PTBP2: variants seen among roughly 807,000 people sequenced by gnomAD.
PTBP2 encodes the protein polypyrimidine tract-binding protein 2.
A neutral mutation model predicts 61.4 loss-of-function variants in PTBP2; 13 were observed. That is an observed-to-expected ratio of 0.21 (90% CI 0.14 to 0.34). The LOEUF (loss-of-function observed/expected upper bound fraction) is 0.34. Among genes scored for constraint, PTBP2 ranks in the 10% least tolerant of loss-of-function variants. The pLI is 1.00. For synonymous variants in PTBP2, 215 were observed against 218.5 expected (o/e 0.98, Z 0.14); for missense variants, 405 against 642.6 (o/e 0.63, Z 4.00).
chr1:96,809,475 T>G (rs922006985), intron 11 of PTBP2, among the ~76,000 whole-genome samples: 1 of 152,144 alleles, frequency 6.6e-6, no homozygotes, highest in Non-Finnish European at 1.5e-5. Context: ...ATCCTGAGAT[T>G]TAAAAATAAG....
chr1:96,765,752 T>C (rs11165719), intron 3 of PTBP2, among the ~76,000 whole-genome samples: 1 of 117,884 alleles, frequency 8.5e-6, no homozygotes, highest in Non-Finnish European at 1.9e-5. Flanking sequence ...AGATAGATAC[T>C]GTGAAACCCA....
intron 3 of PTBP2, among the ~76,000 whole-genome samples, chr1:96,768,261 C>G (rs976944783): frequency 6.6e-6 from 1 of 151,978 alleles, no homozygotes; most frequent in Non-Finnish European, 1.5e-5. Context: ...TCTGTACCCT[C>G]AGAACGTAAA....
At position 96,759,382 on chromosome 1, in the gene PTBP2, G is replaced by T. The variant is rs551690456; in HGVS notation, c.115+7882G>T. On this transcript the variant is annotated intron_variant, in intron 3 of 13. Transcript: ENST00000674951. ...GTTAATCCAAAACAGTTTACTACTA[G>T]CATAGTTAGTGACACAGAATAGCGT... Among the ~76,000 whole-genome samples, 222 of 152,306 alleles carry T rather than the reference G, an allele frequency of 1.5e-3. 1 individual carries two copies. Among genetic ancestry groups the T allele is most frequent in the African/African-American group, 5.2e-3 (215 of 41,570 alleles).
intron 1 of PTBP2, 121 bp from the exon 2 acceptor site, chr1:96,723,443 A>T: frequency 1.4e-6 from 1 of 706,038 alleles, no homozygotes; most frequent in Non-Finnish European, 2.3e-6. Flanking sequence ...TTTTATCCCC[A>T]TCTGTGTGTG....
intron 3 of PTBP2, among the ~76,000 whole-genome samples, chr1:96,756,152 G>T (rs1185384794): frequency 6.6e-6 from 1 of 152,088 alleles, no homozygotes; most frequent in Non-Finnish European, 1.5e-5. Context: ...TAATCCCAGC[G>T]CTTTGGGAAG....
exon 14 of PTBP2, chr1:96,820,679 C>T (rs542975119): frequency 6.6e-6 from 1 of 152,110 alleles, no homozygotes; most frequent in Admixed American, 6.5e-5. Flanking sequence ...AAGCAAACTT[C>T]AGGTCTTTTT....
chr1:96,731,588 TC>T (rs1296055786), intron 2 of PTBP2, among the ~76,000 whole-genome samples: 1 of 152,156 alleles, frequency 6.6e-6, no homozygotes, highest in Non-Finnish European at 1.5e-5. Context: ...TTTTAATAGT[TC>T]CACAAACTAG....
rs762152365 is a variant in PTBP2 at position 96,726,074 on chromosome 1, C to CAAAAAAAA, written c.39+2510_39+2517dup. ...TGGGCGACAGAGACAGACTCTATCTCAAAAAAAAAAAAAAAAAAAAAAAAA... is the reference window on the plus strand; with the variant it reads ...TGGGCGACAGAGACAGACTCTATCTCAAAAAAAAAAAAAAAAAAAAAAAAAAAAAAAAA... On this transcript the variant is annotated intron_variant, in intron 2 of 13. Coordinates refer to ENST00000674951, the MANE Select transcript of PTBP2 (RefSeq NM_021190.4). 1.7e-3 allele frequency among the ~76,000 whole-genome samples: 90 copies of CAAAAAAAA among 54,214 alleles called. 7 individuals are homozygous for CAAAAAAAA. Among genetic ancestry groups the CAAAAAAAA allele is most frequent in the Non-Finnish European group, 1.9e-3 (60 of 31,188 alleles). 35.6% of individuals were successfully genotyped at this position (54,214 alleles called of 152,430 possible).
chr1:96,754,014 A>C lies in PTBP2; in HGVS notation c.115+2514A>C, dbSNP rs541855440. 7.2e-5 allele frequency among the ~76,000 whole-genome samples: 11 copies of C among 152,272 alleles called. No individual in the cohort carries two copies. In the South Asian group the frequency reaches 2.1e-3, roughly 29 times the overall value. ...GATAGTAATGACTGAGAACTTCTAA[A>C]ATTTGAATAAAATATATCAACTTAC... On this transcript the variant is annotated intron_variant, in intron 3 of 13. Transcript: ENST00000674951.
chr1:96,768,631 T>C (rs911924707), intron 3 of PTBP2, among the ~76,000 whole-genome samples: 1 of 152,022 alleles, frequency 6.6e-6, no homozygotes, highest in African/African-American at 2.4e-5. Flanking sequence ...ACCTATTTTA[T>C]AGGCATTTTG....
At chr1:96,801,109 T>A (rs1334859736) in intron 8 of PTBP2, among the ~76,000 whole-genome samples, 1 of 152,134 alleles carries the variant, frequency 6.6e-6, no homozygotes, top group East Asian at 1.9e-4. Context: ...TAGGCTGGTA[T>A]GTTTAGATCA....
intron 3 of PTBP2, among the ~76,000 whole-genome samples, chr1:96,768,066 AC>A (rs2101002310): frequency 6.6e-6 from 1 of 152,220 alleles, no homozygotes; most frequent in African/African-American, 2.4e-5. Context: ...ACTTAGAGAT[AC>A]CTTCTCTGAT....
intron 3 of PTBP2, among the ~76,000 whole-genome samples, chr1:96,766,556 A>G (rs1238549684): frequency 6.6e-6 from 1 of 151,910 alleles, no homozygotes; most frequent in African/African-American, 2.4e-5. Context: ...CCATTTTTGG[A>G]CCCTTTTTCG....
chr1:96,746,913 C>CCCTTCCTTCCTTCCTTCCTTCCTT (rs1214485803), intron 2 of PTBP2, among the ~76,000 whole-genome samples: 1 of 29,516 alleles, frequency 3.4e-5, no homozygotes, highest in African/African-American at 1.4e-4. Context: ...CTCCCTCCCT[C>CCCTTCCTTCCTTCCTTCCTTCCTT]CCTTCCTTCC....
At chr1:96,793,863 T>C (rs1050113000) in intron 8 of PTBP2, among the ~76,000 whole-genome samples, 1 of 152,190 alleles carries the variant, frequency 6.6e-6, no homozygotes, top group Non-Finnish European at 1.5e-5. Context: ...TTGGGAACTT[T>C]GAAGGTATTA....
In PTBP2 at chr1:96,807,029, TA is replaced by T. The variant is rs1661558026; in HGVS notation, c.1171+76del. ...CAAATGCATAATGTGAATGTGCGAA[TA>T]AAAATAAACTCCTTTACATCAGTAA... On this transcript the variant is annotated intron_variant, in intron 11 of 13. Coordinates refer to ENST00000674951, the MANE Select transcript of PTBP2 (RefSeq NM_021190.4). 7.5e-6 allele frequency: 9 copies of T among 1,207,340 alleles called. No individual in the cohort carries two copies. The South Asian group carries it at 8.2e-5, about 11-fold the overall frequency. The allele number at this position is 1,207,340 out of a possible 1,614,324, so 74.8% of individuals were successfully genotyped here. A position where few individuals can be genotyped will look rare whatever the true frequency, so the allele number is the denominator to read the frequency against.
chr1:96,783,602 T>C (rs1317206176), intron 7 of PTBP2, among the ~76,000 whole-genome samples: 4 of 152,082 alleles, frequency 2.6e-5, no homozygotes, highest in Admixed American at 6.6e-5. Context: ...TCATTTTCTC[T>C]TTGATAACAT....
chr1:96,792,513 G>A (rs1277424922), intron 8 of PTBP2, among the ~76,000 whole-genome samples: 2 of 152,212 alleles, frequency 1.3e-5, no homozygotes, highest in African/African-American at 4.8e-5. Context: ...ATTTTAGCCT[G>A]TCGTCTTCTC....
At chr1:96,815,905 C>T (rs1662463898), downstream of PTBP2, 1 of 152,080 alleles carries the variant, frequency 6.6e-6, no homozygotes, top group South Asian at 2.1e-4. Flanking sequence ...TCTAAAAAAC[C>T]AATACCAGGG....
Sources: allele counts gnomAD v4.1 joint callset (sites outside exome capture counted in the v4.1 genomes callset), GRCh38; gene constraint gnomAD v4.1.1; transcripts MANE v1.5; gene names NCBI Gene and HGNC (gene_info 2026-07-23, HGNC 2026-07-21).